Variants in ROCK1 observed in about 807,000 individuals in gnomAD.
The protein encoded by ROCK1 is Rho associated coiled-coil containing protein kinase 1, also known as rho-associated protein kinase 1.
ROCK1 carries 36 observed loss-of-function variants against 196.8 expected under a neutral mutation model. The ratio of observed to expected loss-of-function variants is 0.18; its 90% CI spans 0.14 to 0.24. ROCK1 has a LOEUF of 0.24. Ranked by LOEUF, ROCK1 falls within the 10% of genes least tolerant of loss-of-function variation. The pLI, the probability that ROCK1 is intolerant of heterozygous loss-of-function variation, is 1.00. For synonymous variants in ROCK1, 443 were observed against 515.9 expected (o/e 0.86, Z 1.91); for missense variants, 920 against 1,562.0 (o/e 0.59, Z 6.93).
chr18:21,078,278 G>C (rs1038600292), intron 1 of ROCK1, among the ~76,000 whole-genome samples: 1 of 151,632 alleles, frequency 6.6e-6, no homozygotes, highest in African/African-American at 2.4e-5. Context: ...GCAATGAGCT[G>C]AGATGGCACC....
intron 22 of ROCK1, among the ~76,000 whole-genome samples, chr18:20,973,308 G>C (rs1415981432): frequency 6.6e-6 from 1 of 152,036 alleles, no homozygotes; most frequent in East Asian, 1.9e-4. Flanking sequence ...TGGAGACTCA[G>C]TCTCTGTCGC....
intron 1 of ROCK1, among the ~76,000 whole-genome samples, chr18:21,089,724 C>T (rs1002672074): frequency 8.5e-5 from 13 of 152,248 alleles, no homozygotes; most frequent in African/African-American, 3.1e-4. Flanking sequence ...TAACACAAAG[C>T]CTATTTTATA....
intron 2 of ROCK1, 52 bp from the exon 3 acceptor site, chr18:21,049,932 G>T: frequency 1.1e-6 from 1 of 887,314 alleles, no homozygotes; most frequent in Non-Finnish European, 1.7e-6. Flanking sequence ...ATTACAACTA[G>T]CACTACTTAT....
At chr18:21,063,555 G>A (rs529903784) in intron 2 of ROCK1, among the ~76,000 whole-genome samples, 2 of 152,240 alleles carry the variant, frequency 1.3e-5, no homozygotes, top group Admixed American at 6.5e-5. Flanking sequence ...AGGAAACAAG[G>A]AGGAGAGGTG....
intron 17 of ROCK1, among the ~76,000 whole-genome samples, chr18:20,992,505 C>A (rs1483472294): frequency 6.6e-6 from 1 of 152,130 alleles, no homozygotes; most frequent in Non-Finnish European, 1.5e-5. Flanking sequence ...TCTTCATAAG[C>A]CCTCACAGCA....
At chr18:21,048,439 C>T (rs1431897002) in intron 4 of ROCK1, among the ~76,000 whole-genome samples, 1 of 151,990 alleles carries the variant, frequency 6.6e-6, no homozygotes, top group African/African-American at 2.4e-5. Flanking sequence ...CTAAAAGTAT[C>T]TATTTAAATT....
At chr18:20,958,555 T>C (rs2035269188) in intron 29 of ROCK1, among the ~76,000 whole-genome samples, 1 of 151,924 alleles carries the variant, frequency 6.6e-6, no homozygotes, top group South Asian at 2.1e-4. Context: ...TAGGCCTCTT[T>C]GACCTATCAT....
At chr18:20,976,906 T>C (rs2035485910) in intron 22 of ROCK1, among the ~76,000 whole-genome samples, 1 of 152,186 alleles carries the variant, frequency 6.6e-6, no homozygotes, top group African/African-American at 2.4e-5. Flanking sequence ...TCAACAGCTC[T>C]GGTCAGAAAC....
At chr18:20,956,285 A>G (rs1439806704) in intron 29 of ROCK1, among the ~76,000 whole-genome samples, 1 of 152,242 alleles carries the variant, frequency 6.6e-6, no homozygotes, top group Non-Finnish European at 1.5e-5. Context: ...ACCTTCCTGT[A>G]TATTTAAAAT....
intron 26 of ROCK1, 55 bp downstream of exon 26, chr18:20,967,694 AAAT>A (rs1227161781): frequency 7.8e-7 from 1 of 1,284,358 alleles, no homozygotes; most frequent in African/African-American, 1.5e-5. Flanking sequence ...GTATATACAG[AAAT>A]AATTTAAGAA....
intron 1 of ROCK1, among the ~76,000 whole-genome samples, chr18:21,102,054 A>C (rs1404289379): frequency 2.6e-5 from 4 of 152,214 alleles, no homozygotes; most frequent in Non-Finnish European, 5.9e-5. Flanking sequence ...ACTTCTGCGT[A>C]TATTTGAAAT....
intron 2 of ROCK1, among the ~76,000 whole-genome samples, chr18:21,059,619 A>C (rs1485984969): frequency 6.6e-6 from 1 of 152,222 alleles, no homozygotes; most frequent in East Asian, 1.9e-4. Flanking sequence ...TATATTTAAA[A>C]ATCCATCTTG....
chr18:21,073,798 A>G (rs2036407432), intron 1 of ROCK1, among the ~76,000 whole-genome samples: 1 of 152,158 alleles, frequency 6.6e-6, no homozygotes, highest in Non-Finnish European at 1.5e-5. Context: ...CAACTTTGGT[A>G]AGAGAGGATA....
At chr18:20,977,063 G>A (rs148639601) in intron 22 of ROCK1, among the ~76,000 whole-genome samples, 4 of 152,120 alleles carry the variant, frequency 2.6e-5, no homozygotes, top group South Asian at 2.1e-4. Flanking sequence ...TTTTGCCAGC[G>A]GTTATATAAT....
intron 1 of ROCK1, among the ~76,000 whole-genome samples, chr18:21,079,594 G>C (rs1331132733): frequency 6.6e-6 from 1 of 152,176 alleles, no homozygotes; most frequent in Non-Finnish European, 1.5e-5. Flanking sequence ...ACTGGAGATG[G>C]TGGTGCTGAT....
chr18:21,085,176 A>C (rs1336012904), intron 1 of ROCK1, among the ~76,000 whole-genome samples: 1 of 152,030 alleles, frequency 6.6e-6, no homozygotes, highest in Non-Finnish European at 1.5e-5. Context: ...ATACTGGTGA[A>C]AACACAAAAT....
Position 21,049,792 on chromosome 18 carries a change from T to C in ROCK1, c.264A>G (p.Gly88=), listed in dbSNP as rs777050088. 1.3e-6 allele frequency: 2 copies of C among 1,594,910 alleles called. No homozygotes were observed. Among genetic ancestry groups the C allele is most frequent in the African/African-American group, 1.3e-5 (1 of 74,320 alleles). ...TAAAATAACCTACCAATTGAACTTC[T>C]CCAAATGCACCTCTACCAATCACCT... ...VVKVIGRGAF[G]EVQLVRHKST... Residue 88 remains glycine (G), a synonymous_variant, in exon 3 of 33, where the codon GGA becomes GGG. Transcript: ENST00000399799.
intron 16 of ROCK1, among the ~76,000 whole-genome samples, chr18:20,993,393 G>A (rs1187058374): frequency 6.6e-6 from 1 of 152,118 alleles, no homozygotes; most frequent in Non-Finnish European, 1.5e-5. Flanking sequence ...AGTAGAGACG[G>A]GGTTTCACCT....
chr18:21,016,606 AG>A (rs1568384334), intron 12 of ROCK1, among the ~76,000 whole-genome samples: 1 of 152,084 alleles, frequency 6.6e-6, no homozygotes, highest in African/African-American at 2.4e-5. Flanking sequence ...TACCTCATTC[AG>A]CATCTCCAAA....
Sources: gnomAD v4.1 joint callset for allele counts (sites outside exome capture counted in the v4.1 genomes callset) on GRCh38, gnomAD v4.1.1 for gene constraint, MANE v1.5 for transcripts, NCBI Gene and HGNC (gene_info 2026-07-23, HGNC 2026-07-21) for gene names.